Variants in USP15 observed in about 807,000 individuals in gnomAD.
USP15 encodes ubiquitin specific peptidase 15.
Under a neutral mutation model 127.1 loss-of-function variants are expected in USP15, and 18 were observed. The observed-to-expected ratio is 0.14, with a 90% CI of 0.10 to 0.21. USP15 has a LOEUF of 0.21. USP15 is among the 10% of genes least tolerant of loss of function. The probability of loss-of-function intolerance (pLI) is 1.00; values close to 1 mark genes in which losing one functional copy is unlikely to be tolerated. For missense variants in USP15, 805 were observed against 1,159.9 expected (o/e 0.69, Z 4.44); for synonymous variants, 364 against 393.7 (o/e 0.92, Z 0.89).
intron 6 of USP15, among the ~76,000 whole-genome samples, chr12:62,332,949 TG>T (rs1174051747): frequency 6.6e-6 from 1 of 152,236 alleles, no homozygotes; most frequent in Non-Finnish European, 1.5e-5. Context: ...ACTACTTTTT[TG>T]GTTGAGACAG....
rs140740601 is a variant in USP15 at position 62,344,922 on chromosome 12, C to G, written c.684-4299C>G. On this transcript the variant is annotated intron_variant, in intron 6 of 21. Transcript: ENST00000280377. ...TACCAAGTCCCTAGGCTGCACAGAG[C>G]AGGGTGGTCCTGGGCCCAGCCCATA... Among the ~76,000 whole-genome samples the G allele has an allele frequency of 1.9e-3, 293 of 152,368 alleles. 3 individuals are homozygous for G. Among genetic ancestry groups the G allele is most frequent in the African/African-American group, 6.8e-3 (281 of 41,584 alleles).
In USP15 at chr12:62,337,267, C is replaced by T. The variant is rs151281003; in HGVS notation, c.683+11334C>T. Reference sequence around the variant, plus strand: ...TTTTCAGAAAACCTCTGCTTGATAGCTGTATTAGTCCATTTTCATGCTGCT... The same window carrying T: ...TTTTCAGAAAACCTCTGCTTGATAGTTGTATTAGTCCATTTTCATGCTGCT... On this transcript the variant is annotated intron_variant, in intron 6 of 21. Transcript: ENST00000280377. Among the ~76,000 whole-genome samples, 248 of 152,156 alleles carry T rather than the reference C, an allele frequency of 1.6e-3. 3 individuals are homozygous for T. The highest frequency in any genetic ancestry group is 5.7e-3 in the African/African-American group (238 of 41,504).
chr12:62,361,954 C>CATTA (rs1221704977), intron 8 of USP15, among the ~76,000 whole-genome samples: 2 of 151,986 alleles, frequency 1.3e-5, no homozygotes, highest in African/African-American at 4.8e-5. Flanking sequence ...AAAACATTAA[C>CATTA]AGCCCTGTAT....
rs1454414421 is a variant in USP15 at position 62,415,523 on chromosome 12, A to G, written c.*11148A>G. The G allele has an allele frequency of 6.6e-6, 1 of 152,218 alleles. No homozygotes were observed. Among genetic ancestry groups the G allele is most frequent in the Non-Finnish European group, 1.5e-5 (1 of 68,050 alleles). 9.4% of individuals were successfully genotyped at this position (152,218 alleles called of 1,614,324 possible). On this transcript the variant is annotated 3_prime_UTR_variant, in exon 22 of 22. Transcript: ENST00000280377. ...AAAGAGTGGTTTGGACCATAGGCTCAGGAGTTAAACCACCTCTGAGCCTAC... is the reference window on the plus strand; with the variant it reads ...AAAGAGTGGTTTGGACCATAGGCTCGGGAGTTAAACCACCTCTGAGCCTAC...
At chr12:62,380,045 C>A (rs2066942295) in intron 8 of USP15, among the ~76,000 whole-genome samples, 1 of 151,938 alleles carries the variant, frequency 6.6e-6, no homozygotes, top group Non-Finnish European at 1.5e-5. Context: ...TTAAAAAGTT[C>A]TACTGCTGAA....
chr12:62,298,911 A>G (rs1396158836), intron 2 of USP15, among the ~76,000 whole-genome samples: 4 of 151,884 alleles, frequency 2.6e-5, no homozygotes, highest in African/African-American at 7.3e-5. Context: ...TTGGACATCT[A>G]CATTCACGAA....
At chr12:62,290,208 A>C (rs191597727) in intron 1 of USP15, among the ~76,000 whole-genome samples, 69 of 152,252 alleles carry the variant, frequency 4.5e-4, no homozygotes, top group Admixed American at 1.2e-3. Flanking sequence ...CTGTCAGTGG[A>C]ATATGGAAGT....
At chr12:62,384,893 G>A (rs779571854) in intron 11 of USP15, among the ~76,000 whole-genome samples, 13 of 151,856 alleles carry the variant, frequency 8.6e-5, no homozygotes, top group East Asian at 1.9e-4. Flanking sequence ...GCCTGATTCC[G>A]TTACCTAGTG....
intron 3 of USP15, among the ~76,000 whole-genome samples, chr12:62,303,865 T>G (rs2064397615): frequency 1.3e-5 from 2 of 152,180 alleles, no homozygotes; most frequent in East Asian, 1.9e-4. Flanking sequence ...ACTCAGCCAC[T>G]TCAAAATTAG....
chr12:62,374,352 G>A, intron 8 of USP15: 9 of 982,452 alleles, frequency 9.2e-6, no homozygotes, highest in Non-Finnish European at 1.1e-5. Flanking sequence ...AAAGCTTTAG[G>A]TAATCAAAAA....
chr12:62,345,920 T>C (rs2065802694), intron 6 of USP15, among the ~76,000 whole-genome samples: 1 of 152,150 alleles, frequency 6.6e-6, no homozygotes, highest in South Asian at 2.1e-4. Context: ...CCCGCCCCCG[T>C]GATTCAATCA....
chr12:62,404,603 A>AAT lies in USP15; in HGVS notation c.*236_*237dup, dbSNP rs1031737132. The AAT allele has an allele frequency of 8.6e-6, 3 of 347,010 alleles. No homozygotes were observed. Among genetic ancestry groups the AAT allele is most frequent in the African/African-American group, 4.3e-5 (2 of 46,826 alleles). The allele number at this position is 347,010 out of a possible 1,614,324, so 21.5% of individuals were successfully genotyped here. A position where few individuals can be genotyped will look rare whatever the true frequency, so the allele number is the denominator to read the frequency against. ...TTTACAGTCTTGTATTTACAAGCTA[A>AAT]ATATATATAGGAAATCACAAATAAA... On this transcript the variant is annotated 3_prime_UTR_variant, in exon 22 of 22. Transcript: ENST00000280377.
At chr12:62,388,455 T>A (rs2067225498) in intron 11 of USP15, among the ~76,000 whole-genome samples, 1 of 152,144 alleles carries the variant, frequency 6.6e-6, no homozygotes, top group South Asian at 2.1e-4. Flanking sequence ...TAAATAGTTA[T>A]TGAGATAAAT....
chr12:62,355,826 T>G (rs1157445413), intron 8 of USP15, among the ~76,000 whole-genome samples: 1 of 51,972 alleles, frequency 1.9e-5, no homozygotes, highest in African/African-American at 7.0e-5. Flanking sequence ...TTTTTTTTTC[T>G]TTTTTTTTTT....
At chr12:62,301,386 C>G (rs1380398967) in intron 2 of USP15, among the ~76,000 whole-genome samples, 1 of 152,114 alleles carries the variant, frequency 6.6e-6, no homozygotes, top group African/African-American at 2.4e-5. Flanking sequence ...CGATTGTACA[C>G]AAATGGTCAT....
At chr12:62,365,171 C>A (rs1008702502) in intron 8 of USP15, among the ~76,000 whole-genome samples, 1 of 152,194 alleles carries the variant, frequency 6.6e-6, no homozygotes, top group Non-Finnish European at 1.5e-5. Context: ...TACACTCCCA[C>A]CAACAGTGTA....
chr12:62,306,862 A>G (rs1193047294), intron 3 of USP15, among the ~76,000 whole-genome samples: 1 of 152,190 alleles, frequency 6.6e-6, no homozygotes, highest in East Asian at 1.9e-4. Context: ...ATCAAAGGTC[A>G]TGCCTCACAG....
intron 1 of USP15, chr12:62,267,184 A>G (rs2063213631): frequency 6.6e-6 from 1 of 152,064 alleles, no homozygotes; most frequent in African/African-American, 2.4e-5. Context: ...ACTGTAATTC[A>G]CATTCTGTGT....
chr12:62,370,610 A>G (rs900902010), intron 8 of USP15, among the ~76,000 whole-genome samples: 1 of 152,158 alleles, frequency 6.6e-6, no homozygotes, highest in African/African-American at 2.4e-5. Flanking sequence ...TACTGTTATC[A>G]TTACTGTTGT....
Sources: gnomAD v4.1 joint callset for allele counts (sites outside exome capture counted in the v4.1 genomes callset) on GRCh38, gnomAD v4.1.1 for gene constraint, MANE v1.5 for transcripts, NCBI Gene and HGNC (gene_info 2026-07-23, HGNC 2026-07-21) for gene names.